The following CEACAM21 variants were observed in gnomAD, a reference collection of about 807,000 sequenced individuals.
The protein encoded by CEACAM21 is CEA cell adhesion molecule 21.
In CEACAM21, 38 loss-of-function variants were observed where a neutral mutation model predicts 33.2. The observed-to-expected ratio is 1.14, with a 90% CI of 0.88 to 1.50. The LOEUF (loss-of-function observed/expected upper bound fraction) is 1.50. CEACAM21 is among the 40% of genes most tolerant of loss of function. The probability of loss-of-function intolerance (pLI) is 0.00; values close to 1 mark genes in which losing one functional copy is unlikely to be tolerated. For synonymous variants in CEACAM21, 156 were observed against 143.0 expected (o/e 1.09, Z -0.65); for missense variants, 385 against 364.6 (o/e 1.06, Z -0.46).
Position 41,577,435 on chromosome 19 carries a change from A to G in CEACAM21, c.300A>G (p.Thr100=), listed in dbSNP as rs2043033232. ...TPGPAYSGRE[T]ISPSGDLHFQ... is the part of the protein sequence containing the mutation. ...GGCCTGCATACAGCGGTCGAGAGAC[A>G]ATATCACCCAGTGGAGATCTGCATT... is the stretch of plus-strand genomic sequence containing the variant. The change falls in exon 2 of 7, where the codon ACA becomes ACG. Residue 100 remains threonine, a synonymous_variant. Transcript: ENST00000401445. 1 of 1,614,174 alleles carries G rather than the reference A, an allele frequency of 6.2e-7. No homozygotes were observed. Among genetic ancestry groups the G allele is most frequent in the Non-Finnish European group, 8.5e-7 (1 of 1,180,036 alleles).
In CEACAM21 at chr19:41,579,348, C is replaced by T. The variant is rs77612817; in HGVS notation, c.425-5C>T. On this transcript the variant is annotated splice_polypyrimidine_tract_variant and splice_region_variant and intron_variant, in intron 2 of 6. Coordinates refer to ENST00000401445, the MANE Select transcript of CEACAM21 (RefSeq NM_001098506.4). ...GACACTTTCTGTTGGTCACTCTATCCACAGAGTCAGTGGCTCAGCCCTCCA... is the reference window on the plus strand; with the variant it reads ...GACACTTTCTGTTGGTCACTCTATCTACAGAGTCAGTGGCTCAGCCCTCCA... The T allele has an allele frequency of 1.1e-3, 1,701 of 1,613,892 alleles. 12 individuals carry two copies. In the African/African-American group the frequency reaches 0.02, roughly 19 times the overall value.
chr19:41,583,595 T>C (rs981784062), intron 3 of CEACAM21, among the ~76,000 whole-genome samples: 21 of 152,188 alleles, frequency 1.4e-4, no homozygotes, highest in Non-Finnish European at 1.8e-4. Context: ...CTCACAATCA[T>C]GATGGAAGGT....
rs927697601 is a variant in CEACAM21, at chr19:41,555,209, G to A, written c.-779+5657G>A. The A allele has an allele frequency of 2.6e-5, 4 of 151,590 alleles. 1 individual carries two copies. The highest frequency in any genetic ancestry group is 5.9e-5 in the Non-Finnish European group (4 of 67,894). 9.4% of individuals were successfully genotyped at this position (151,590 alleles called of 1,614,324 possible). On this transcript the variant is annotated intron_variant, in intron 1 of 7. Transcript: ENST00000407170. Reference sequence around the variant, plus strand: ...TTATTGACCTCTTCTTCTTTGCACAGGTATCCAACCCAGTATCTACAAATA... The same window carrying A: ...TTATTGACCTCTTCTTCTTTGCACAAGTATCCAACCCAGTATCTACAAATA...
chr19:41,579,133 G>C, intron 2 of CEACAM21: 1 of 667,874 alleles, frequency 1.5e-6, no homozygotes, highest in East Asian at 2.7e-5. Flanking sequence ...AGGGCTCCCT[G>C]GTCCTGGTCT....
At chr19:41,585,390 C>A in intron 4 of CEACAM21, 53 bp from the exon 5 acceptor site, 1 of 1,592,504 alleles carries the variant, frequency 6.3e-7, no homozygotes, top group Non-Finnish European at 8.6e-7. Context: ...ATTTTAACTC[C>A]AATTTGTGAC....
chr19:41,560,369 C>T (rs1555786563), intron 1 of CEACAM21, among the ~76,000 whole-genome samples: 1 of 152,132 alleles, frequency 6.6e-6, no homozygotes, highest in Non-Finnish European at 1.5e-5. Flanking sequence ...ACTACAGGTA[C>T]TCACTGCCAT....
intron 6 of CEACAM21, 88 bp from the exon 7 acceptor site, chr19:41,586,376 A>C: frequency 1.6e-6 from 1 of 612,382 alleles, no homozygotes; most frequent in Admixed American, 1.8e-5. Context: ...GTTCAGTCCC[A>C]GAGTAGCCCT....
At chr19:41,586,220 G>T (rs1212639424) in intron 6 of CEACAM21, 8 of 541,964 alleles carry the variant, frequency 1.5e-5, no homozygotes, top group Non-Finnish European at 2.3e-5. Context: ...CAGATATTCT[G>T]GTCCCTTGGG....
chr19:41,557,310 T>C (rs1351861122), intron 1 of CEACAM21, among the ~76,000 whole-genome samples: 1 of 152,162 alleles, frequency 6.6e-6, no homozygotes, highest in East Asian at 1.9e-4. Flanking sequence ...CGTTACTCTG[T>C]GGCGTGTCAC....
intron 3 of CEACAM21, among the ~76,000 whole-genome samples, chr19:41,583,886 G>T (rs2070502459): frequency 6.6e-6 from 1 of 151,824 alleles, no homozygotes; most frequent in Non-Finnish European, 1.5e-5. Context: ...CTCCCTCAAG[G>T]CAATGGGAGG....
intron 1 of CEACAM21, among the ~76,000 whole-genome samples, chr19:41,562,570 A>G (rs946717797): frequency 5.3e-5 from 8 of 152,200 alleles, no homozygotes; most frequent in Non-Finnish European, 7.3e-5. Context: ...GTCACCAAAA[A>G]CATGAGAGAA....
At chr19:41,562,274 G>GAAAA (rs1319000261) in intron 1 of CEACAM21, among the ~76,000 whole-genome samples, 12 of 126,434 alleles carry the variant, frequency 9.5e-5, no homozygotes, top group African/African-American at 4.3e-4. Context: ...AAGAAAGAAA[G>GAAAA]AAAGAAAAAA....
At chr19:41,552,559 A>G (rs2041277499) in intron 1 of CEACAM21, among the ~76,000 whole-genome samples, 2 of 152,210 alleles carry the variant, frequency 1.3e-5, no homozygotes, top group Admixed American at 1.3e-4. Context: ...GGGGACCTCC[A>G]TTAGTGAAAT....
chr19:41,562,171 A>G (rs1344897785), intron 1 of CEACAM21, among the ~76,000 whole-genome samples: 2 of 152,156 alleles, frequency 1.3e-5, no homozygotes, highest in Non-Finnish European at 1.5e-5. Flanking sequence ...ACTTGAACCC[A>G]GGAGACGGAG....
At chr19:41,568,414 A>G (rs1320004874) in intron 2 of CEACAM21, among the ~76,000 whole-genome samples, 6 of 152,068 alleles carry the variant, frequency 3.9e-5, no homozygotes, top group Non-Finnish European at 8.8e-5. Context: ...TCATAGTTTC[A>G]GTTCTTACAT....
chr19:41,581,140 A>G (rs782697602), intron 3 of CEACAM21, among the ~76,000 whole-genome samples: 2 of 152,246 alleles, frequency 1.3e-5, no homozygotes, highest in Non-Finnish European at 2.9e-5. Flanking sequence ...CCTAATGCCC[A>G]AGCTGGAAGG....
intron 3 of CEACAM21, among the ~76,000 whole-genome samples, chr19:41,582,472 C>T (rs1362589138): frequency 1.3e-5 from 2 of 152,236 alleles, no homozygotes; most frequent in African/African-American, 2.4e-5. Flanking sequence ...CCCACATTTC[C>T]CTTCAACACT....
chr19:41,572,531 C>A (rs921589328), upstream of CEACAM21, among the ~76,000 whole-genome samples: 1 of 152,124 alleles, frequency 6.6e-6, no homozygotes, highest in Non-Finnish European at 1.5e-5. Context: ...ACCCCGATGC[C>A]CTGACACTTA....
rs1280136980 is a variant in CEACAM21, at chr19:41,586,709, C to A, written c.*246C>A. The A allele has an allele frequency of 5.2e-6, 2 of 381,986 alleles. No homozygotes were observed. The highest frequency in any genetic ancestry group is 1.0e-5 in the Non-Finnish European group (2 of 200,680). 23.7% of individuals were successfully genotyped at this position (381,986 alleles called of 1,614,324 possible). ...AATATATAGAGACCTCAACAGACTG[C>A]CCCGGGCTCTGGGTGGGCCAAGGCG... On this transcript the variant is annotated 3_prime_UTR_variant, in exon 7 of 7. Coordinates refer to ENST00000401445, the MANE Select transcript of CEACAM21 (RefSeq NM_001098506.4).
Sources: gnomAD v4.1 joint callset for allele counts (sites outside exome capture counted in the v4.1 genomes callset) on GRCh38, gnomAD v4.1.1 for gene constraint, MANE v1.5 for transcripts, NCBI Gene and HGNC (gene_info 2026-07-23, HGNC 2026-07-21) for gene names.